Variants in GUCY1A2 observed in about 807,000 individuals in gnomAD.
GUCY1A2 encodes guanylate cyclase soluble subunit alpha-2.
GUCY1A2 carries 27 observed loss-of-function variants against 63.5 expected under a neutral mutation model. The observed-to-expected ratio is 0.43, with a 90% CI of 0.31 to 0.59. GUCY1A2 has a LOEUF of 0.59. GUCY1A2 is among the 20% of genes least tolerant of loss of function. GUCY1A2 has a pLI of 0.11. For missense variants in GUCY1A2, 768 were observed against 913.3 expected (o/e 0.84, Z 2.05); for synonymous variants, 364 against 343.5 (o/e 1.06, Z -0.66).
At chr11:106,751,240 T>C (rs1167770648) in intron 6 of GUCY1A2, among the ~76,000 whole-genome samples, 2 of 152,104 alleles carry the variant, frequency 1.3e-5, no homozygotes, top group African/African-American at 4.8e-5. Flanking sequence ...CTGAATTCTA[T>C]AAGTAGTCCT....
chr11:107,013,506 T>C (rs1861776494), intron 1 of GUCY1A2, among the ~76,000 whole-genome samples: 1 of 152,232 alleles, frequency 6.6e-6, no homozygotes, highest in Non-Finnish European at 1.5e-5. Flanking sequence ...ATGTAATAAA[T>C]GATTTATACA....
chr11:106,741,575 T>C (rs1863694814), intron 6 of GUCY1A2, among the ~76,000 whole-genome samples: 2 of 152,180 alleles, frequency 1.3e-5, no homozygotes, highest in South Asian at 2.1e-4. Context: ...CAATAAATTA[T>C]TGGAAATAGA....
intron 3 of GUCY1A2, among the ~76,000 whole-genome samples, chr11:106,974,954 A>G (rs1861243541): frequency 6.6e-6 from 1 of 152,068 alleles, no homozygotes; most frequent in South Asian, 2.1e-4. Flanking sequence ...AAATGAATTA[A>G]CCTAGAGCTC....
chr11:106,681,963 T>C lies in GUCY1A2; in HGVS notation c.*5586A>G, dbSNP rs752221483. 26 of 213,070 alleles carry C rather than the reference T, an allele frequency of 1.2e-4. No homozygotes were observed. The highest frequency in any genetic ancestry group is 1.9e-4 in the Non-Finnish European group (20 of 105,668). 13.2% of individuals were successfully genotyped at this position (213,070 alleles called of 1,614,324 possible). Reference sequence around the variant, plus strand: ...CAGAAGTAAGGCTGTCACTTTGATATTTGCTTCTGTGTCCCAAAGGTCATA... The same window carrying C: ...CAGAAGTAAGGCTGTCACTTTGATACTTGCTTCTGTGTCCCAAAGGTCATA... On this transcript the variant is annotated 3_prime_UTR_variant, in exon 8 of 8. Coordinates refer to ENST00000526355, the MANE Select transcript of GUCY1A2 (RefSeq NM_000855.3).
chr11:106,888,087 C>G (rs1466333183), intron 4 of GUCY1A2, among the ~76,000 whole-genome samples: 1 of 152,054 alleles, frequency 6.6e-6, no homozygotes, highest in Non-Finnish European at 1.5e-5. Context: ...AATGAACAAT[C>G]ACCTGTGCCT....
At chr11:106,854,647 C>G (rs2135452743) in intron 4 of GUCY1A2, among the ~76,000 whole-genome samples, 1 of 152,192 alleles carries the variant, frequency 6.6e-6, no homozygotes. Context: ...CCCTCAGGGC[C>G]CCGGATGGAT....
chr11:106,748,470 A>G (rs1863828426), intron 6 of GUCY1A2, among the ~76,000 whole-genome samples: 1 of 152,196 alleles, frequency 6.6e-6, no homozygotes, highest in Admixed American at 6.5e-5. Flanking sequence ...CAGCTGAGGT[A>G]AAAGAAGGAG....
At chr11:106,728,830 T>C (rs563144653) in intron 6 of GUCY1A2, among the ~76,000 whole-genome samples, 75 of 152,194 alleles carry the variant, frequency 4.9e-4, no homozygotes, top group Non-Finnish European at 6.9e-4. Context: ...AAGTAGTGGA[T>C]GTTCAATAAG....
At chr11:106,764,234 C>T (rs904710680) in intron 6 of GUCY1A2, among the ~76,000 whole-genome samples, 10 of 152,128 alleles carry the variant, frequency 6.6e-5, no homozygotes, top group Admixed American at 3.9e-4. Context: ...ACTGCTATTA[C>T]GTCTTCACAC....
At chr11:106,746,759 T>C (rs1009668832) in intron 6 of GUCY1A2, 4 of 567,082 alleles carry the variant, frequency 7.1e-6, no homozygotes, top group Non-Finnish European at 1.3e-5. Flanking sequence ...TTATGGCCAA[T>C]GTCACTGAGG....
chr11:106,865,821 CAT>C (rs1182352109), intron 4 of GUCY1A2, among the ~76,000 whole-genome samples: 2 of 151,492 alleles, frequency 1.3e-5, no homozygotes, highest in African/African-American at 2.4e-5. Context: ...TAAAAAGAAA[CAT>C]AATCCCAGAC....
In GUCY1A2 at chr11:106,825,972, T is replaced by C. The variant is rs866804713; in HGVS notation, c.1207-15494A>G. The stretch of plus-strand genomic sequence containing the variant: ...TATTAGCAAACGAGATATTGCTACA[T>C]CTCTATTTAAAGTAAAATACAACCG... On this transcript the variant is annotated intron_variant, in intron 4 of 7. Coordinates refer to ENST00000526355, the MANE Select transcript of GUCY1A2 (RefSeq NM_000855.3). 3.9e-5 allele frequency among the ~76,000 whole-genome samples: 6 copies of C among 152,126 alleles called. No individual in the cohort carries two copies. In the South Asian group the frequency reaches 1.2e-3, roughly 32 times the overall value.
chr11:106,753,040 T>C (rs1435260246), intron 6 of GUCY1A2, among the ~76,000 whole-genome samples: 1 of 152,124 alleles, frequency 6.6e-6, no homozygotes, highest in Non-Finnish European at 1.5e-5. Flanking sequence ...TGACTTTTAA[T>C]GATCATGATG....
At position 106,676,180 on chromosome 11, in the gene GUCY1A2, CTTGTTCAAGAT is replaced by C; in HGVS notation, c.*11358_*11368del. On this transcript the variant is annotated 3_prime_UTR_variant, in exon 8 of 8. Transcript: ENST00000526355. ...TTGGGAGATTATAAATTCTTTAAAT[CTTGTTCAAGAT>C]TTGTTCAAATTATTATAAAGTCAAT... 1 of 181,274 alleles carries C rather than the reference CTTGTTCAAGAT, an allele frequency of 5.5e-6. No homozygotes were observed. The highest frequency in any genetic ancestry group is 9.1e-5 in the East Asian group (1 of 11,006). The allele number at this position is 181,274 out of a possible 1,614,324, so 11.2% of individuals were successfully genotyped here.
At chr11:106,949,896 T>C (rs186681235) in intron 3 of GUCY1A2, among the ~76,000 whole-genome samples, 2 of 152,320 alleles carry the variant, frequency 1.3e-5, no homozygotes, top group Admixed American at 1.3e-4. Context: ...AGAATGAATA[T>C]AAAACCAATG....
chr11:106,770,376 C>T (rs1378115849), intron 6 of GUCY1A2, among the ~76,000 whole-genome samples: 1 of 152,098 alleles, frequency 6.6e-6, no homozygotes, highest in Non-Finnish European at 1.5e-5. Flanking sequence ...GGCCTACCTA[C>T]ATTTTTGACC....
chr11:106,773,940 G>A (rs538376641), intron 6 of GUCY1A2, among the ~76,000 whole-genome samples: 4 of 151,954 alleles, frequency 2.6e-5, no homozygotes, highest in Non-Finnish European at 5.9e-5. Flanking sequence ...TTCCCTACTT[G>A]TCAAAATTTT....
chr11:106,703,374 T>A (rs935304504), intron 7 of GUCY1A2, among the ~76,000 whole-genome samples: 3 of 152,132 alleles, frequency 2.0e-5, no homozygotes, highest in Non-Finnish European at 4.4e-5. Flanking sequence ...GCTAATCAGA[T>A]GACATTAAAA....
rs1863258125 is a variant in GUCY1A2, at chr11:106,718,640, A to C, written c.1837-9974T>G. ...CCTCTGTGCAAAAAAAGTCTTAAAA[A>C]TCTTTTCAAAGTAAGAAACTGATTT... On this transcript the variant is annotated intron_variant, in intron 6 of 7. Coordinates refer to ENST00000526355, the MANE Select transcript of GUCY1A2 (RefSeq NM_000855.3). Among the ~76,000 whole-genome samples, 3 of 152,280 alleles carry C rather than the reference A, an allele frequency of 2.0e-5. No homozygotes were observed. In the South Asian group the frequency reaches 6.2e-4, roughly 32 times the overall value.
Sources: allele counts gnomAD v4.1 joint callset (sites outside exome capture counted in the v4.1 genomes callset), GRCh38; gene constraint gnomAD v4.1.1; transcripts MANE v1.5; gene names NCBI Gene and HGNC (gene_info 2026-07-23, HGNC 2026-07-21).